LINGO2: variants seen among roughly 807,000 people sequenced by gnomAD.
LINGO2 encodes leucine-rich repeat and immunoglobulin-like domain-containing nogo receptor-interacting protein 2.
Under a neutral mutation model 30.6 loss-of-function variants are expected in LINGO2, and 14 were observed. That is an observed-to-expected ratio of 0.46 (90% CI 0.30 to 0.72). The LOEUF (loss-of-function observed/expected upper bound fraction) is 0.72, where lower values mean the gene tolerates loss of function less well. Among genes scored for constraint, LINGO2 ranks in the 30% least tolerant of loss-of-function variants. The probability of loss-of-function intolerance (pLI) is 0.07; values close to 1 mark genes in which losing one functional copy is unlikely to be tolerated. For synonymous variants in LINGO2, 317 were observed against 288.5 expected, an observed-to-expected ratio of 1.10 and a Z score of -1.00; for missense variants, 729 against 751.7, an observed-to-expected ratio of 0.97 and a Z score of 0.35.
the LINGO2 span, among the ~76,000 whole-genome samples, chr9:29,015,208 A>C: frequency 6.6e-6 from 1 of 152,184 alleles, no homozygotes; most frequent in Admixed American, 6.6e-5. Flanking sequence ...AATGTATGCT[A>C]CTTGGGTGAT....
the LINGO2 span, among the ~76,000 whole-genome samples, chr9:29,083,211 A>G: frequency 6.6e-6 from 1 of 152,222 alleles, no homozygotes; most frequent in African/African-American, 2.4e-5. Flanking sequence ...AGACTGGATT[A>G]AGAAAATGTG....
chr9:28,004,501 G>T (rs1446626723), intron 5 of LINGO2, among the ~76,000 whole-genome samples: 2 of 152,146 alleles, frequency 1.3e-5, no homozygotes, highest in Admixed American at 6.5e-5. Context: ...AAGCCAGTTT[G>T]TCACATAGGT....
At chr9:28,703,666 G>A in the LINGO2 span, among the ~76,000 whole-genome samples, 1 of 151,428 alleles carries the variant, frequency 6.6e-6, no homozygotes, top group African/African-American at 2.4e-5. Context: ...CTGCCTGCTG[G>A]GTCTGTCCAT....
chr9:28,512,622 T>C (rs940093987), intron 1 of LINGO2, among the ~76,000 whole-genome samples: 168 of 10,014 alleles, frequency 0.017, 2 homozygotes, highest in African/African-American at 0.034. Flanking sequence ...TATATATATA[T>C]ATATATATAT....
chr9:27,988,101 T>C (rs929590800), intron 5 of LINGO2, among the ~76,000 whole-genome samples: 2 of 151,914 alleles, frequency 1.3e-5, no homozygotes, highest in African/African-American at 4.8e-5. Context: ...GAACATGTGG[T>C]GTTTGTTTTT....
At chr9:28,095,222 T>G (rs1044666368) in intron 4 of LINGO2, among the ~76,000 whole-genome samples, 4 of 152,142 alleles carry the variant, frequency 2.6e-5, no homozygotes, top group Non-Finnish European at 4.4e-5. Flanking sequence ...GGAGGGCCTA[T>G]GACCACTGAA....
chr9:28,336,207 C>T (rs1825584062), intron 3 of LINGO2, among the ~76,000 whole-genome samples: 2 of 151,966 alleles, frequency 1.3e-5, no homozygotes, highest in African/African-American at 4.8e-5. Context: ...GCTTACTTCT[C>T]ATTTGTATAT....
At chr9:28,305,273 T>G (rs62555389) in intron 3 of LINGO2, among the ~76,000 whole-genome samples, 2,404 of 152,170 alleles carry the variant, frequency 0.016, 42 homozygotes, top group Admixed American at 0.026. Flanking sequence ...AATATTATAC[T>G]TGATGAAAGT....
At chr9:28,578,930 A>G (rs1477539315) in intron 1 of LINGO2, among the ~76,000 whole-genome samples, 1 of 152,210 alleles carries the variant, frequency 6.6e-6, no homozygotes. Context: ...ATTGCACTAA[A>G]AACTCCAGGG....
chr9:28,944,994 G>A, the LINGO2 span, among the ~76,000 whole-genome samples: 4 of 152,264 alleles, frequency 2.6e-5, no homozygotes, highest in African/African-American at 7.2e-5. Flanking sequence ...GTGTTCAGCA[G>A]CTTAAACAAA....
chr9:28,944,433 C>T, the LINGO2 span, among the ~76,000 whole-genome samples: 18 of 151,898 alleles, frequency 1.2e-4, no homozygotes, highest in Non-Finnish European at 1.8e-4. Context: ...GAGATGAACT[C>T]TCACTCTTGT....
At chr9:28,517,624 G>T (rs936846960) in intron 1 of LINGO2, among the ~76,000 whole-genome samples, 4 of 152,188 alleles carry the variant, frequency 2.6e-5, no homozygotes, top group African/African-American at 9.7e-5. Context: ...AGAGCATTTG[G>T]AAAGCAGTCA....
At chr9:27,992,096 G>A (rs1052698329) in intron 5 of LINGO2, among the ~76,000 whole-genome samples, 48 of 152,068 alleles carry the variant, frequency 3.2e-4, no homozygotes, top group African/African-American at 1.0e-3. Context: ...TGACAAAGGT[G>A]TTAATGACAA....
At chr9:27,998,577 G>T (rs535549226) in intron 5 of LINGO2, among the ~76,000 whole-genome samples, 1 of 152,144 alleles carries the variant, frequency 6.6e-6, no homozygotes, top group African/African-American at 2.4e-5. Flanking sequence ...CCAGGAATTC[G>T]AGACCAGCCT....
At chr9:28,231,907 TA>T (rs1416750647) in intron 4 of LINGO2, among the ~76,000 whole-genome samples, 3 of 152,150 alleles carry the variant, frequency 2.0e-5, no homozygotes, top group African/African-American at 4.8e-5. Context: ...TATATATATA[TA>T]TTTTTTCTGC....
chr9:29,056,162 C>G, the LINGO2 span, among the ~76,000 whole-genome samples: 1 of 151,918 alleles, frequency 6.6e-6, no homozygotes, highest in Admixed American at 6.6e-5. Context: ...AATGGTAGTT[C>G]TTTAAGGAAT....
At chr9:29,183,343 A>G in the LINGO2 span, among the ~76,000 whole-genome samples, 2 of 152,226 alleles carry the variant, frequency 1.3e-5, no homozygotes, top group African/African-American at 4.8e-5. Flanking sequence ...CTCTGATCAC[A>G]TGAAGAAATG....
At chr9:28,008,402 G>C (rs532751906) in intron 5 of LINGO2, among the ~76,000 whole-genome samples, 1 of 151,884 alleles carries the variant, frequency 6.6e-6, no homozygotes, top group East Asian at 1.9e-4. Context: ...TTAAATCAGT[G>C]AACATATCCA....
intron 1 of LINGO2, among the ~76,000 whole-genome samples, chr9:28,506,477 C>CAG (rs1564250658): frequency 0.34 from 3,901 of 11,446 alleles, 344 homozygotes; most frequent in Middle Eastern, 0.5. Flanking sequence ...CACACACACA[C>CAG]ACATACACAT....
Sources: allele counts gnomAD v4.1 joint callset (sites outside exome capture counted in the v4.1 genomes callset), GRCh38; gene constraint gnomAD v4.1.1; transcripts MANE v1.5; gene names NCBI Gene and HGNC (gene_info 2026-07-23, HGNC 2026-07-21).